ABCC6: variants seen among roughly 807,000 people sequenced by gnomAD.
The protein encoded by ABCC6 is ATP binding cassette subfamily C member 6.
Under a neutral mutation model 169.5 loss-of-function variants are expected in ABCC6, and 126 were observed. The ratio of observed to expected loss-of-function variants is 0.74; its 90% CI spans 0.64 to 0.86. ABCC6 has a LOEUF of 0.86. ABCC6 is among the 40% of genes least tolerant of loss of function. ABCC6 has a pLI of 0.00. For synonymous variants in ABCC6, 752 were observed against 814.7 expected (o/e 0.92, Z 1.31); for missense variants, 1,733 against 1,927.2 (o/e 0.90, Z 1.89).
intron 21 of ABCC6, among the ~76,000 whole-genome samples, chr16:16,172,133 T>G (rs2047115307): frequency 1.1e-5 from 1 of 92,672 alleles, no homozygotes; most frequent in Non-Finnish European, 2.1e-5. Context: ...AATGAATGGA[T>G]GGGATGCATA....
rs2376793 is a variant in ABCC6 at position 16,205,343 on chromosome 16, A to T, written c.795-1730T>A. Reference sequence around the variant, plus strand: ...GTCACACAGCAAGGGCAGAGCAGGGATTTGAGCCTAGATCTTGATTTATGG... The same window carrying T: ...GTCACACAGCAAGGGCAGAGCAGGGTTTTGAGCCTAGATCTTGATTTATGG... On this transcript the variant is annotated intron_variant, in intron 7 of 30. Transcript: ENST00000205557. Among the ~76,000 whole-genome samples, 43 of 152,266 alleles carry T rather than the reference A, an allele frequency of 2.8e-4. 1 individual carries two copies. The highest frequency in any genetic ancestry group is 1.3e-3 in the South Asian group (6 of 4,800).
intron 27 of ABCC6, 58 bp downstream of exon 27, chr16:16,157,605 T>G (rs1053328151): frequency 8.1e-6 from 13 of 1,608,068 alleles, no homozygotes; most frequent in Middle Eastern, 1.7e-4. Context: ...TAGGGCCTTG[T>G]CCCTGGAGTC....
intron 29 of ABCC6, among the ~76,000 whole-genome samples, chr16:16,151,265 T>G (rs1240135797): frequency 6.6e-6 from 1 of 152,184 alleles, no homozygotes; most frequent in African/African-American, 2.4e-5. Context: ...TTTCACCATG[T>G]TGGTCCGACT....
Position 16,198,138 on chromosome 16 carries a change from A to T in ABCC6, c.1221T>A (p.Gly407=). 1 of 1,609,678 alleles carries T rather than the reference A, an allele frequency of 6.2e-7. No homozygotes were observed. Among genetic ancestry groups the T allele is most frequent in the African/African-American group, 1.3e-5 (1 of 74,952 alleles). The change falls in exon 10 of 31, where the codon GGT becomes GGA. Residue 407 remains glycine, a synonymous_variant. Transcript: ENST00000205557. ...CCACGGACACCAGATTGACCACATCACCCACCGCACTGGCCTTTCTGGAGC... is the reference window on the plus strand; with the variant it reads ...CCACGGACACCAGATTGACCACATCTCCCACCGCACTGGCCTTTCTGGAGC... ...SSGSRKASAV[G]DVVNLVSVDV... is the part of the protein sequence containing the mutation.
chr16:16,221,690 G>A lies in ABCC6; in HGVS notation c.178C>T (p.Arg60Trp), dbSNP rs761289104. Residue 60 changes from arginine to tryptophan, a missense_variant, in exon 2 of 31, where the codon CGG (arginine) becomes TGG (tryptophan). By Grantham distance (101) the Arg-to-Trp change is moderately radical (BLOSUM62 -3). This residue lies in a region of ABCC6 where 66 missense variants were observed against 69.5 expected (regional missense o/e 0.95). Coordinates refer to ENST00000205557, the MANE Select transcript of ABCC6 (RefSeq NM_001171.6). ...AGTGGGGACATCCGGAGGTAGCCCC[G>A]GCCATGGTGGTGGATGAAGAGGAGG... ...IYLLFIHHHG[R>W]GYLRMSPLFK... The A allele has an allele frequency of 2.2e-5, 35 of 1,613,788 alleles. No homozygotes were observed. The highest frequency in any genetic ancestry group is 1.6e-4 in the Middle Eastern group (1 of 6,078).
intron 14 of ABCC6, among the ~76,000 whole-genome samples, chr16:16,185,434 A>G (rs931917081): frequency 1.3e-5 from 2 of 152,224 alleles, no homozygotes; most frequent in South Asian, 2.1e-4. Context: ...AAGTTAGTGA[A>G]TTTCTGAAAT....
intron 29 of ABCC6, 103 bp from the exon 30 acceptor site, chr16:16,150,875 T>G: frequency 1.9e-6 from 3 of 1,539,060 alleles, no homozygotes; most frequent in Non-Finnish European, 2.6e-6. Context: ...AGGAGTGAGG[T>G]GCCTGTGTTC....
At chr16:16,184,086 C>T in intron 15 of ABCC6, 1 of 173,608 alleles carries the variant, frequency 5.8e-6, no homozygotes, top group Non-Finnish European at 1.3e-5. Flanking sequence ...GTAATCCCAG[C>T]TACTCGGGAG....
intron 9 of ABCC6, among the ~76,000 whole-genome samples, chr16:16,199,118 T>C (rs2048156025): frequency 6.7e-6 from 1 of 148,632 alleles, no homozygotes; most frequent in Admixed American, 6.8e-5. Flanking sequence ...CAGTGAGCCA[T>C]GTTGGTGCCA....
In ABCC6 at chr16:16,199,493, G is replaced by T. The variant is rs2048166809; in HGVS notation, c.1177-1311C>A. Among the ~76,000 whole-genome samples the T allele has an allele frequency of 1.6e-5, 2 of 127,442 alleles. 1 individual carries two copies. The highest frequency in any genetic ancestry group is 5.3e-5 in the African/African-American group (2 of 38,046). The allele number at this position is 127,442 out of a possible 152,430, so 83.6% of individuals were successfully genotyped here. On this transcript the variant is annotated intron_variant, in intron 9 of 30. Coordinates refer to ENST00000205557, the MANE Select transcript of ABCC6 (RefSeq NM_001171.6). ...GTGACACCAACCTGGTTCTCTGGCA[G>T]CCTCACATCTGCCTTAACCCTGGGG...
chr16:16,184,892 C>T (rs1180566414), intron 15 of ABCC6, 67 bp downstream of exon 15: 1 of 1,512,598 alleles, frequency 6.6e-7, no homozygotes. Context: ...AGGTGGGAGG[C>T]AGCAGGAGCC....
At chr16:16,189,416 G>GTGCTTTT (rs888983492) in intron 12 of ABCC6, among the ~76,000 whole-genome samples, 1 of 142,864 alleles carries the variant, frequency 7.0e-6, no homozygotes, top group Non-Finnish European at 1.6e-5. Flanking sequence ...GCCATTTGTG[G>GTGCTTTT]TGCTTTTTTT....
intron 29 of ABCC6, among the ~76,000 whole-genome samples, chr16:16,151,874 T>C (rs370360646): frequency 2.6e-5 from 4 of 152,012 alleles, no homozygotes; most frequent in African/African-American, 9.7e-5. Context: ...CCGTCCTCGC[T>C]GAATCGTGAC....
intron 11 of ABCC6, among the ~76,000 whole-genome samples, chr16:16,191,180 G>A (rs1032887287): frequency 6.6e-6 from 1 of 151,964 alleles, no homozygotes; most frequent in African/African-American, 2.4e-5. Context: ...CAGTGGTGTG[G>A]TCTCGGCTCA....
intron 15 of ABCC6, 111 bp from the exon 16 acceptor site, chr16:16,183,041 G>T: frequency 1.3e-6 from 2 of 1,530,246 alleles, no homozygotes; most frequent in Non-Finnish European, 1.8e-6. Flanking sequence ...GTCTCCAAGA[G>T]GACCTGTGGG....
chr16:16,187,050 T>A, intron 14 of ABCC6, 74 bp downstream of exon 14: 1 of 1,332,834 alleles, frequency 7.5e-7, no homozygotes, highest in South Asian at 1.2e-5. Flanking sequence ...TGATGCTGGC[T>A]TGCCATTATG....
chr16:16,180,876 A>G (rs187807625), intron 17 of ABCC6, among the ~76,000 whole-genome samples: 170 of 152,356 alleles, frequency 1.1e-3, no homozygotes, highest in Non-Finnish European at 1.9e-3. Context: ...CTCTGGAGAA[A>G]CAGCAATGAG....
At chr16:16,153,776 C>T (rs2046456459) in intron 29 of ABCC6, among the ~76,000 whole-genome samples, 2 of 151,774 alleles carry the variant, frequency 1.3e-5, no homozygotes, top group African/African-American at 2.4e-5. Context: ...TGGTGGCTCA[C>T]ACCTGTAACC....
At chr16:16,152,316 G>A (rs772278279) in intron 29 of ABCC6, among the ~76,000 whole-genome samples, 3 of 151,448 alleles carry the variant, frequency 2.0e-5, no homozygotes, top group Non-Finnish European at 4.4e-5. Context: ...GTGAGCCCCT[G>A]ACCCAGGTGG....
Sources: allele counts gnomAD v4.1 joint callset (sites outside exome capture counted in the v4.1 genomes callset), GRCh38; gene constraint gnomAD v4.1.1; regional missense constraint gnomAD v4.1.1; transcripts MANE v1.5; gene names NCBI Gene and HGNC (gene_info 2026-07-23, HGNC 2026-07-21).